ANO4: variants seen among roughly 807,000 people sequenced by gnomAD.
ANO4 encodes anoctamin-4.
ANO4 carries 69 observed loss-of-function variants against 141.9 expected under a neutral mutation model. The ratio of observed to expected loss-of-function variants is 0.49; its 90% confidence interval spans 0.40 to 0.59. The LOEUF (loss-of-function observed/expected upper bound fraction) is 0.59, where lower values mean the gene tolerates loss of function less well. ANO4 is among the 20% of genes least tolerant of loss of function. The probability of loss-of-function intolerance (pLI) is 0.00; values close to 1 mark genes in which losing one functional copy is unlikely to be tolerated. For missense variants in ANO4, 894 were observed against 1,162.2 expected, an observed-to-expected ratio of 0.77 and a Z score of 3.36; for synonymous variants, 350 against 394.3, an observed-to-expected ratio of 0.89 and a Z score of 1.33.
intron 1 of ANO4, among the ~76,000 whole-genome samples, chr12:100,844,764 G>C (rs2037469079): frequency 1.0e-5 from 1 of 97,828 alleles, no homozygotes; most frequent in Admixed American, 1.2e-4. Context: ...TCCACGTGGA[G>C]GTATAAAATA....
At chr12:100,890,520 A>T (rs1169039222) in intron 1 of ANO4, among the ~76,000 whole-genome samples, 4 of 152,180 alleles carry the variant, frequency 2.6e-5, no homozygotes, top group Non-Finnish European at 5.9e-5. Flanking sequence ...TTATATGGGT[A>T]TGAAATTTTT....
chr12:100,855,661 C>T (rs758768272), intron 1 of ANO4, among the ~76,000 whole-genome samples: 11 of 152,090 alleles, frequency 7.2e-5, no homozygotes, highest in Admixed American at 2.0e-4. Flanking sequence ...TTATTTTCTG[C>T]GGCTAAAATC....
At chr12:100,863,209 G>A (rs1410803497) in intron 1 of ANO4, among the ~76,000 whole-genome samples, 2 of 152,146 alleles carry the variant, frequency 1.3e-5, no homozygotes, top group East Asian at 3.9e-4. Context: ...GATCTTGTAG[G>A]GCTTTTTGGT....
chr12:100,959,243 T>C (rs1018625182), intron 5 of ANO4, among the ~76,000 whole-genome samples: 2 of 152,152 alleles, frequency 1.3e-5, no homozygotes, highest in Non-Finnish European at 2.9e-5. Context: ...GTGTGTGCTG[T>C]CGCGGGAGCT....
At chr12:101,096,716 G>A in intron 19 of ANO4, 69 bp downstream of exon 19, 2 of 1,174,994 alleles carry the variant, frequency 1.7e-6, no homozygotes, top group South Asian at 1.2e-5. Context: ...TGACTCGTGG[G>A]GACAGAGAAG....
chr12:100,883,083 C>A (rs1441371625), intron 1 of ANO4, among the ~76,000 whole-genome samples: 1 of 152,166 alleles, frequency 6.6e-6, no homozygotes, highest in Non-Finnish European at 1.5e-5. Context: ...AGCTGCGACA[C>A]AAGTATCTTG....
chr12:100,995,680 A>G, intron 8 of ANO4, among the ~76,000 whole-genome samples: 1 of 152,220 alleles, frequency 6.6e-6, no homozygotes, highest in Non-Finnish European at 1.5e-5. Flanking sequence ...TGAAACAGAT[A>G]TTATTGAAAG....
intron 17 of ANO4, among the ~76,000 whole-genome samples, chr12:101,092,782 G>A (rs2049831851): frequency 6.6e-6 from 1 of 152,036 alleles, no homozygotes; most frequent in Admixed American, 6.6e-5. Context: ...CATATCCTCA[G>A]CTCCGAGGGC....
At chr12:100,921,940 A>G (rs140752388) in intron 2 of ANO4, among the ~76,000 whole-genome samples, 11 of 152,258 alleles carry the variant, frequency 7.2e-5, no homozygotes, top group African/African-American at 2.4e-4. Context: ...TATATTTTTT[A>G]CGTAGGGAAT....
intron 1 of ANO4, among the ~76,000 whole-genome samples, chr12:100,806,327 C>G (rs1254751103): frequency 6.6e-6 from 1 of 151,998 alleles, no homozygotes; most frequent in Admixed American, 6.6e-5. Context: ...CACACCTATG[C>G]CCACTAGCAA....
At position 101,099,612 on chromosome 12, in the gene ANO4, C is replaced by T. The variant is rs748040220; in HGVS notation, c.2041C>T (p.Arg681Ter). 4 of 1,603,318 alleles carry T rather than the reference C, an allele frequency of 2.5e-6. No homozygotes were observed. The highest frequency in any genetic ancestry group is 1.8e-5 in the Admixed American group (1 of 56,896). Residue 681 changes from arginine (R) to a stop codon, truncating the protein, a stop_gained, in exon 22 of 28, where the codon CGA (arginine) becomes TGA (stop). Transcript: ENST00000392977. LOFTEE classifies it high-confidence loss of function. ...GAATTGGTGGACTAGAAGAAAAGTA[C>T]GACAAGAACATGGACCTGAAAGGAA... ...IQNWWTRRKV[R>*]QEHGPERKIS...
In ANO4 at chr12:101,028,194, C is replaced by T. The variant is rs376443159; in HGVS notation, c.841+8054C>T. Among the ~76,000 whole-genome samples, 9 of 152,178 alleles carry T rather than the reference C, an allele frequency of 5.9e-5. No homozygotes were observed. In the East Asian group the frequency reaches 9.6e-4, roughly 16 times the overall value. Reference sequence around the variant, plus strand: ...TCCAGTGGTCAGCTGCCTCAAAGATCGAAACTAGACAAACTCACAAAGATG... The same window carrying T: ...TCCAGTGGTCAGCTGCCTCAAAGATTGAAACTAGACAAACTCACAAAGATG... On this transcript the variant is annotated intron_variant, in intron 9 of 27. Coordinates refer to ENST00000392977, the MANE Select transcript of ANO4 (RefSeq NM_001286615.2).
chr12:101,082,732 C>G (rs896385282), intron 15 of ANO4, among the ~76,000 whole-genome samples: 1 of 151,606 alleles, frequency 6.6e-6, no homozygotes, highest in Non-Finnish European at 1.5e-5. Context: ...TGCTGCCAAA[C>G]TGGGCTCTCT....
rs191017707 is a variant in ANO4 at position 101,040,259 on chromosome 12, G to A, written c.1019+183G>A. 2.8e-4 allele frequency among the ~76,000 whole-genome samples: 43 copies of A among 152,306 alleles called. 1 individual carries two copies. Among genetic ancestry groups the A allele is most frequent in the African/African-American group, 8.4e-4 (35 of 41,572 alleles). ...AGCTGTTCTTGGTAAACCTACCATC[G>A]CTCTGATGAGGATGGAATTTCCCCC... On this transcript the variant is annotated intron_variant, in intron 11 of 27. Coordinates refer to ENST00000392977, the MANE Select transcript of ANO4 (RefSeq NM_001286615.2).
intron 3 of ANO4, among the ~76,000 whole-genome samples, chr12:100,760,387 C>T (rs2135523686): frequency 6.6e-6 from 1 of 152,222 alleles, no homozygotes; most frequent in South Asian, 2.1e-4. Context: ...ACAGCTGATA[C>T]CTATTTGACT....
exon 3 of ANO4, chr12:100,739,855 T>A: frequency 1.4e-6 from 1 of 702,462 alleles, no homozygotes; most frequent in Non-Finnish European, 2.6e-6. Context: ...TCTCACCAGG[T>A]TATGACGTTG....
chr12:100,878,987 C>T (rs990700336), intron 1 of ANO4, among the ~76,000 whole-genome samples: 4 of 152,112 alleles, frequency 2.6e-5, no homozygotes, highest in African/African-American at 9.7e-5. Context: ...ATTTCTGTAA[C>T]ACAAATGAGG....
chr12:100,914,779 A>G (rs1045806133), intron 2 of ANO4, among the ~76,000 whole-genome samples: 7 of 152,154 alleles, frequency 4.6e-5, no homozygotes, highest in East Asian at 1.9e-4. Flanking sequence ...TGATGCCAGG[A>G]AAGTCTGTAA....
rs558907521 is a variant in ANO4 at position 100,903,110 on chromosome 12, A to T, written c.55+1270A>T. On this transcript the variant is annotated intron_variant, in intron 2 of 27. Transcript: ENST00000392977. Reference sequence around the variant, plus strand: ...TTGATTGCTCTGTTCTGTCGAGAGTAACCAACACAATCTGGTTTCTAGCTC... The same window carrying T: ...TTGATTGCTCTGTTCTGTCGAGAGTTACCAACACAATCTGGTTTCTAGCTC... 3.3e-5 allele frequency among the ~76,000 whole-genome samples: 5 copies of T among 152,300 alleles called. No individual in the cohort carries two copies. In the East Asian group the frequency reaches 9.7e-4, roughly 29 times the overall value.
Sources: gnomAD v4.1 joint callset for allele counts (sites outside exome capture counted in the v4.1 genomes callset) on GRCh38, gnomAD v4.1.1 for gene constraint, MANE v1.5 for transcripts, NCBI Gene and HGNC (gene_info 2026-07-23, HGNC 2026-07-21) for gene names.